The following ROCK1 variants were observed in gnomAD, a reference collection of about 807,000 sequenced individuals.
ROCK1 encodes the protein rho-associated protein kinase 1.
In ROCK1, 36 loss-of-function variants were observed where a neutral mutation model predicts 196.8. The observed-to-expected ratio is 0.18, with a 90% CI of 0.14 to 0.24. ROCK1 has a LOEUF of 0.24. ROCK1 is among the 10% of genes least tolerant of loss of function. The probability of loss-of-function intolerance (pLI) is 1.00; values close to 1 mark genes in which losing one functional copy is unlikely to be tolerated. For synonymous variants in ROCK1, 443 were observed against 515.9 expected, an observed-to-expected ratio of 0.86 and a Z score of 1.91; for missense variants, 920 against 1,562.0, an observed-to-expected ratio of 0.59 and a Z score of 6.93.
chr18:21,042,739 T>G, intron 6 of ROCK1, 30 bp from the exon 7 acceptor site: 1 of 1,584,392 alleles, frequency 6.3e-7, no homozygotes, highest in African/African-American at 1.4e-5. Context: ...AAATTTTGAA[T>G]TAGGATATAA....
chr18:20,949,302 TCA>T lies in ROCK1; in HGVS notation c.*2080_*2081del, dbSNP rs111915172. The T allele has an allele frequency of 5.1e-4, 77 of 152,236 alleles. No individual in the cohort carries two copies. Among genetic ancestry groups the T allele is most frequent in the African/African-American group, 1.7e-3 (69 of 41,532 alleles). 9.4% of individuals were successfully genotyped at this position (152,236 alleles called of 1,614,324 possible). A position where few individuals can be genotyped will look rare whatever the true frequency, so the allele number is the denominator to read the frequency against. On this transcript the variant is annotated 3_prime_UTR_variant, in exon 33 of 33. Transcript: ENST00000399799. ...TTTTATCCTGTTTGCATGCTGCCAGTCACAGTTTCATGGATCCTGACAAAAGA... is the reference window on the plus strand; with the variant it reads ...TTTTATCCTGTTTGCATGCTGCCAGTCAGTTTCATGGATCCTGACAAAAGA...
rs1429457159 is a variant in ROCK1 at position 20,949,162 on chromosome 18, T to C, written c.*2222A>G. The C allele has an allele frequency of 6.6e-6, 1 of 152,172 alleles. No homozygotes were observed. Among genetic ancestry groups the C allele is most frequent in the African/African-American group, 2.4e-5 (1 of 41,424 alleles). 9.4% of individuals were successfully genotyped at this position (152,172 alleles called of 1,614,324 possible). A position where few individuals can be genotyped will look rare whatever the true frequency, so the allele number is the denominator to read the frequency against. ...TTAGTATGTCATTTGGAAAGTCTTC[T>C]CTTGCTTAAACTAATTAGAATTAAC... On this transcript the variant is annotated 3_prime_UTR_variant, in exon 33 of 33. Transcript: ENST00000399799.
Position 20,968,843 on chromosome 18 carries a change from C to T in ROCK1, c.2932G>A (p.Glu978Lys). The stretch of plus-strand genomic sequence containing the variant: ...GCCTTAAGATTACTGATCTCCTCCT[C>T]CTTCTCCAGTTTATATTCTGTCAAC... ...KAEEEYKLEK[E>K]EEISNLKAAF... The change falls in exon 25 of 33, where the codon GAG becomes AAG. Residue 978 changes from glutamate to lysine, a missense_variant. Around this residue, in one of 6 missense-constraint regions of ROCK1, gnomAD observed 520 missense variants for 657.1 expected, o/e 0.79. Coordinates refer to ENST00000399799, the MANE Select transcript of ROCK1 (RefSeq NM_005406.3). 1 of 1,599,768 alleles carries T rather than the reference C, an allele frequency of 6.3e-7. No homozygotes were observed. Among genetic ancestry groups the T allele is most frequent in the Non-Finnish European group, 8.6e-7 (1 of 1,167,066 alleles).
In ROCK1 at chr18:21,110,882, C is replaced by A; in HGVS notation, c.29G>T (p.Arg10Leu). ...CAGCAGGTTGTCCATTTTTTCAAATCGAGTCTCAAAACTGTCCCCAGTCGA... is the reference window on the plus strand; with the variant it reads ...CAGCAGGTTGTCCATTTTTTCAAATAGAGTCTCAAAACTGTCCCCAGTCGA... MSTGDSFETRFEKMDNLLRD... is the reference protein window; with the variant it reads MSTGDSFETLFEKMDNLLRD... Residue 10 changes from arginine to leucine, a missense_variant, in exon 1 of 33, where the codon CGA becomes CTA. Arg to Leu is a moderately radical substitution (Grantham distance 102). Around this residue, in one of 6 missense-constraint regions of ROCK1, gnomAD observed 234 missense variants for 460.7 expected, o/e 0.51. Transcript: ENST00000399799. 2 of 1,614,144 alleles carry A rather than the reference C, an allele frequency of 1.2e-6. No homozygotes were observed. Among genetic ancestry groups the A allele is most frequent in the East Asian group, 2.2e-5 (1 of 44,878 alleles).
At chr18:21,019,025 TA>T (rs1234736506) in intron 12 of ROCK1, among the ~76,000 whole-genome samples, 3 of 152,218 alleles carry the variant, frequency 2.0e-5, no homozygotes. Context: ...CAGAAAAAGA[TA>T]CTCTGAGTTA....
chr18:21,037,751 T>C (rs771600886), intron 9 of ROCK1, among the ~76,000 whole-genome samples: 1 of 152,114 alleles, frequency 6.6e-6, no homozygotes, highest in Non-Finnish European at 1.5e-5. Context: ...ATGCCACTGA[T>C]CTGGACTCCC....
intron 1 of ROCK1, among the ~76,000 whole-genome samples, chr18:21,098,308 G>A (rs2143596316): frequency 6.6e-6 from 1 of 152,130 alleles, no homozygotes. Context: ...TGAAGAAAGT[G>A]GCATTGTCAA....
intron 9 of ROCK1, among the ~76,000 whole-genome samples, chr18:21,035,882 G>A (rs2036052766): frequency 6.6e-6 from 1 of 152,148 alleles, no homozygotes; most frequent in Non-Finnish European, 1.5e-5. Flanking sequence ...CTAATTCATA[G>A]AGACAGAAAG....
At chr18:21,089,343 A>T (rs2036551899) in intron 1 of ROCK1, among the ~76,000 whole-genome samples, 1 of 152,202 alleles carries the variant, frequency 6.6e-6, no homozygotes, top group Non-Finnish European at 1.5e-5. Flanking sequence ...TACAGGCGTG[A>T]GCCACCGCAG....
rs1430548271 is a variant in ROCK1, at chr18:21,103,570, T to G, written c.93+7248A>C. On this transcript the variant is annotated intron_variant, in intron 1 of 32. Coordinates refer to ENST00000399799, the MANE Select transcript of ROCK1 (RefSeq NM_005406.3). ...ATCTCCTGGGCTCAAGCGATCTTCC[T>G]ACCTCAACCTCCCAAGTAGCTGAGA... 5.3e-5 allele frequency among the ~76,000 whole-genome samples: 8 copies of G among 152,094 alleles called. No homozygotes were observed. In the East Asian group the frequency reaches 1.5e-3, roughly 29 times the overall value.
chr18:20,969,091 T>C (rs199835231), intron 24 of ROCK1, 24 bp downstream of exon 24: 6 of 1,429,244 alleles, frequency 4.2e-6, no homozygotes, highest in Non-Finnish European at 5.9e-6. Flanking sequence ...TTTAACATGA[T>C]GATTTTTTAA....
Position 21,042,762 on chromosome 18 carries a change from T to C in ROCK1, c.676-53A>G, listed in dbSNP as rs1203673558. ...AATTAGGATATAAAGTCTCAATTAT[T>C]TAAAATGACTTTCTTATTAATATTA... On this transcript the variant is annotated intron_variant, in intron 6 of 32. Coordinates refer to ENST00000399799, the MANE Select transcript of ROCK1 (RefSeq NM_005406.3). 5 of 1,517,806 alleles carry C rather than the reference T, an allele frequency of 3.3e-6. No homozygotes were observed. In the East Asian group the frequency reaches 9.1e-5, roughly 28 times the overall value. The allele number at this position is 1,517,806 out of a possible 1,614,324, so 94.0% of individuals were successfully genotyped here. A position where few individuals can be genotyped will look rare whatever the true frequency, so the allele number is the denominator to read the frequency against.
At chr18:20,979,363 C>T (rs1418373555) in intron 22 of ROCK1, among the ~76,000 whole-genome samples, 1 of 152,120 alleles carries the variant, frequency 6.6e-6, no homozygotes, top group African/African-American at 2.4e-5. Context: ...GTGGCTAATG[C>T]CTATAATCCC....
At chr18:21,042,985 C>T (rs2036120613) in intron 6 of ROCK1, among the ~76,000 whole-genome samples, 1 of 152,028 alleles carries the variant, frequency 6.6e-6, no homozygotes, top group Non-Finnish European at 1.5e-5. Context: ...CATATATACA[C>T]ACACCAGTGA....
Position 21,053,639 on chromosome 18 carries a change from C to T in ROCK1, c.176-3759G>A, listed in dbSNP as rs190002658. Among the ~76,000 whole-genome samples the T allele has an allele frequency of 3.3e-5, 5 of 152,244 alleles. No homozygotes were observed. In the East Asian group the frequency reaches 9.7e-4, roughly 29 times the overall value. On this transcript the variant is annotated intron_variant, in intron 2 of 32. Transcript: ENST00000399799. The stretch of plus-strand genomic sequence containing the variant: ...TTGCTCAAGGCCAGGAGTTTGAAAC[C>T]AGCCTGGACAACATACCAAGACTTG...
intron 2 of ROCK1, among the ~76,000 whole-genome samples, chr18:21,051,102 C>T (rs1207263493): frequency 2.0e-5 from 3 of 151,996 alleles, no homozygotes; most frequent in Non-Finnish European, 2.9e-5. Context: ...AATGATGGTA[C>T]CTGAAAAAAG....
chr18:20,996,410 A>G lies in ROCK1; in HGVS notation c.1886-3473T>C, dbSNP rs780656583. Among the ~76,000 whole-genome samples the G allele has an allele frequency of 1.8e-4, 27 of 152,312 alleles. No homozygotes were observed. The Middle Eastern group carries it at 0.01, about 58-fold the overall frequency. ...GAATTAAAAAGAATGGAACATGCATATAAGATCTAGAAAATAGCCTCAAAA... is the reference window on the plus strand; with the variant it reads ...GAATTAAAAAGAATGGAACATGCATGTAAGATCTAGAAAATAGCCTCAAAA... On this transcript the variant is annotated intron_variant, in intron 16 of 32. Coordinates refer to ENST00000399799, the MANE Select transcript of ROCK1 (RefSeq NM_005406.3).
intron 27 of ROCK1, among the ~76,000 whole-genome samples, 167 bp from the exon 28 acceptor site, chr18:20,960,373 CCATA>C (rs758004108): frequency 3.4e-4 from 51 of 152,020 alleles, no homozygotes; most frequent in Non-Finnish European, 6.2e-4. Flanking sequence ...ACTTTAATGG[CCATA>C]CAAATATTGC....
intron 1 of ROCK1, among the ~76,000 whole-genome samples, chr18:21,096,768 T>C (rs1056437783): frequency 6.6e-6 from 1 of 151,936 alleles, no homozygotes; most frequent in African/African-American, 2.4e-5. Flanking sequence ...AACAAAGGAA[T>C]GGGGAAAGGG....
Sources: allele counts gnomAD v4.1 joint callset (sites outside exome capture counted in the v4.1 genomes callset), GRCh38; gene constraint gnomAD v4.1.1; regional missense constraint gnomAD v4.1.1; transcripts MANE v1.5; gene names NCBI Gene and HGNC (gene_info 2026-07-23, HGNC 2026-07-21).